The following TM9SF2 variants were observed in gnomAD, a reference collection of about 807,000 sequenced individuals.
The protein encoded by TM9SF2 is 76 kDa membrane protein.
TM9SF2 carries 13 observed loss-of-function variants against 84.9 expected under a neutral mutation model. The ratio of observed to expected loss-of-function variants is 0.15; its 90% CI spans 0.10 to 0.24. TM9SF2 has a LOEUF of 0.24. TM9SF2 is among the 10% of genes least tolerant of loss of function. The probability of loss-of-function intolerance (pLI) is 1.00; values close to 1 mark genes in which losing one functional copy is unlikely to be tolerated. For missense variants in TM9SF2, 562 were observed against 818.5 expected, an observed-to-expected ratio of 0.69 and a Z score of 3.82; for synonymous variants, 273 against 285.8, an observed-to-expected ratio of 0.96 and a Z score of 0.45.
At chr13:99,518,540 A>G (rs1272351868) in intron 2 of TM9SF2, among the ~76,000 whole-genome samples, 1 of 152,174 alleles carries the variant, frequency 6.6e-6, no homozygotes, top group Non-Finnish European at 1.5e-5. Context: ...AATTGTATAG[A>G]TTCCATGTAC....
At chr13:99,546,870 T>A in intron 10 of TM9SF2, 115 bp from the exon 11 acceptor site, 1 of 1,408,834 alleles carries the variant, frequency 7.1e-7, no homozygotes, top group Non-Finnish European at 9.6e-7. Flanking sequence ...GAGCACATGG[T>A]TTTGCGTGAA....
intron 9 of TM9SF2, among the ~76,000 whole-genome samples, chr13:99,543,285 A>C (rs7990490): frequency 6.6e-6 from 1 of 152,202 alleles, no homozygotes. Flanking sequence ...TCTAATGTAC[A>C]GTATACTTTC....
At chr13:99,503,732 A>G (rs9557246) in intron 1 of TM9SF2, among the ~76,000 whole-genome samples, 7 of 146,192 alleles carry the variant, frequency 4.8e-5, no homozygotes, top group Admixed American at 2.7e-4. Context: ...AAAAAAAAAA[A>G]GAAGAAGAAG....
At chr13:99,517,341 G>A (rs1324437698) in intron 1 of TM9SF2, among the ~76,000 whole-genome samples, 2 of 152,088 alleles carry the variant, frequency 1.3e-5, no homozygotes, top group Non-Finnish European at 2.9e-5. Context: ...GCCCGGGCTA[G>A]TCACAAACTC....
chr13:99,522,529 T>G (rs541220604), intron 3 of TM9SF2, among the ~76,000 whole-genome samples: 1 of 152,362 alleles, frequency 6.6e-6, no homozygotes, highest in African/African-American at 2.4e-5. Context: ...GAAGATTACT[T>G]TGAATGGTAT....
chr13:99,542,567 A>G (rs1255779218), intron 9 of TM9SF2, among the ~76,000 whole-genome samples: 3 of 152,180 alleles, frequency 2.0e-5, no homozygotes, highest in African/African-American at 7.2e-5. Context: ...TCAGGTTTTT[A>G]TTGTATTCTC....
chr13:99,505,715 A>T (rs2046086177), intron 1 of TM9SF2, among the ~76,000 whole-genome samples: 1 of 152,210 alleles, frequency 6.6e-6, no homozygotes, highest in Non-Finnish European at 1.5e-5. Flanking sequence ...TAGTTTGTAA[A>T]AGTTTTGACT....
intron 1 of TM9SF2, among the ~76,000 whole-genome samples, chr13:99,512,016 A>C (rs192889988): frequency 6.6e-6 from 1 of 152,358 alleles, no homozygotes. Context: ...TGGCCAGGAC[A>C]AGTATAATGG....
chr13:99,539,518 G>A lies in TM9SF2; in HGVS notation c.789G>A (p.Gly263=), dbSNP rs2046249424. 20 of 1,613,708 alleles carry A rather than the reference G, an allele frequency of 1.2e-5. No individual in the cohort carries two copies. Among genetic ancestry groups the A allele is most frequent in the Non-Finnish European group, 1.7e-5 (20 of 1,179,704 alleles). ...TGGACATAAGTAACAAGGCTTCTGG[G>A]GAGATAAAAATTGCCTATACTTACT... ...PPMDISNKAS[G]EIKIAYTYSV... is the part of the protein sequence containing the mutation. The change falls in exon 7 of 17, where the codon GGG becomes GGA. Residue 263 remains glycine, a synonymous_variant. Coordinates refer to ENST00000376387, the MANE Select transcript of TM9SF2 (RefSeq NM_004800.3).
Position 99,524,227 on chromosome 13 carries a change from G to T in TM9SF2, c.333+4098G>T, listed in dbSNP as rs549403271. Among the ~76,000 whole-genome samples the T allele has an allele frequency of 4.6e-5, 7 of 152,276 alleles. No individual in the cohort carries two copies. The East Asian group carries it at 1.4e-3, about 29-fold the overall frequency. On this transcript the variant is annotated intron_variant, in intron 3 of 16. Transcript: ENST00000376387. Reference sequence around the variant, plus strand: ...TACTGAGAATGGACCGTGGGGGTGCGAGGGGAGAAGCCAGGAGACCAGTAG... The same window carrying T: ...TACTGAGAATGGACCGTGGGGGTGCTAGGGGAGAAGCCAGGAGACCAGTAG...
Position 99,523,277 on chromosome 13 carries a change from G to C in TM9SF2, c.333+3148G>C, listed in dbSNP as rs7335421. On this transcript the variant is annotated intron_variant, in intron 3 of 16. Transcript: ENST00000376387. Reference sequence around the variant, plus strand: ...ATAAATCCTCTCACCTCAGCCTCCTGAGTAGCTGGAACTACAGATATGCCC... The same window carrying C: ...ATAAATCCTCTCACCTCAGCCTCCTCAGTAGCTGGAACTACAGATATGCCC... 6.0e-4 allele frequency among the ~76,000 whole-genome samples: 92 copies of C among 152,166 alleles called. 1 individual carries two copies. The highest frequency in any genetic ancestry group is 2.0e-3 in the African/African-American group (85 of 41,502).
At chr13:99,506,171 G>A (rs1021007203) in intron 1 of TM9SF2, among the ~76,000 whole-genome samples, 2 of 152,222 alleles carry the variant, frequency 1.3e-5, no homozygotes, top group Non-Finnish European at 1.5e-5. Flanking sequence ...ATATTGGAAT[G>A]AGTCAGCTTT....
At chr13:99,508,443 A>ACACACACACACACACACACACACACACC (rs1311954976) in intron 1 of TM9SF2, among the ~76,000 whole-genome samples, 1 of 147,448 alleles carries the variant, frequency 6.8e-6, no homozygotes, top group Non-Finnish European at 1.5e-5. Flanking sequence ...ACACACACAC[A>ACACACACACACACACACACACACACACC]CCCCAGAGAT....
chr13:99,540,737 G>A lies in TM9SF2; in HGVS notation c.852G>A (p.Ala284=), dbSNP rs149415928. 3.7e-4 allele frequency: 603 copies of A among 1,613,702 alleles called. No homozygotes were observed. Among genetic ancestry groups the A allele is most frequent in the Non-Finnish European group, 4.7e-4 (554 of 1,179,808 alleles). The change falls in exon 8 of 17, where the codon GCG becomes GCA. Residue 284 remains alanine (A), a synonymous_variant. Coordinates refer to ENST00000376387, the MANE Select transcript of TM9SF2 (RefSeq NM_004800.3). ...AGGAAGATGATAAGATCAGATGGGC[G>A]TCTAGATGGGACTATATTCTGGAGT... The part of the protein sequence containing the change: ...SFEEDDKIRW[A]SRWDYILESM...
rs1411684273 is a variant in TM9SF2, at chr13:99,501,590, TC to T, written c.-13del. ...TGACCCCCTAGGTTTGATTGCCCTTTCCCCGAAACAACTATCATGAGCGCGA... is the reference window on the plus strand; with the variant it reads ...TGACCCCCTAGGTTTGATTGCCCTTTCCCGAAACAACTATCATGAGCGCGA... On this transcript the variant is annotated 5_prime_UTR_variant, in exon 1 of 17. Transcript: ENST00000376387. The T allele has an allele frequency of 3.7e-6, 6 of 1,609,696 alleles. No individual in the cohort carries two copies. In the African/African-American group the frequency reaches 8.0e-5, roughly 22 times the overall value.
Position 99,543,974 on chromosome 13 carries a change from A to G in TM9SF2, c.1129A>G (p.Ile377Val). 6.2e-7 allele frequency: 1 copy of G among 1,614,122 alleles called. No individual in the cohort carries two copies. The highest frequency in any genetic ancestry group is 8.5e-7 in the Non-Finnish European group (1 of 1,179,992). The change falls in exon 10 of 17, where the codon ATT becomes GTT. Residue 377 changes from isoleucine to valine, a missense_variant. By Grantham distance (29) the Ile-to-Val change is conservative (BLOSUM62 3). Transcript: ENST00000376387. Reference protein sequence around the residue: ...VFLGSGTQILIMTFVTLFFAC... With the variant: ...VFLGSGTQILVMTFVTLFFAC... ...TCTAGGATCCGGGACACAGATTTTA[A>G]TTATGACCTTTGTGACTCTATGTAA...
chr13:99,532,293 G>A (rs892880515), intron 4 of TM9SF2, among the ~76,000 whole-genome samples: 3 of 151,520 alleles, frequency 2.0e-5, no homozygotes, highest in Admixed American at 6.6e-5. Context: ...CTCGTGATCC[G>A]CCCGCCTCTG....
intron 3 of TM9SF2, among the ~76,000 whole-genome samples, chr13:99,524,150 A>G (rs555165928): frequency 2.0e-5 from 3 of 152,186 alleles, no homozygotes; most frequent in Non-Finnish European, 4.4e-5. Context: ...GTTAGTTAAC[A>G]CTGGAGGGTT....
intron 3 of TM9SF2, among the ~76,000 whole-genome samples, chr13:99,520,511 C>T (rs757397770): frequency 2.0e-5 from 3 of 152,170 alleles, no homozygotes; most frequent in Non-Finnish European, 4.4e-5. Context: ...TCTAGAGACA[C>T]TCTCCGTTAG....
Sources: gnomAD v4.1 joint callset for allele counts (sites outside exome capture counted in the v4.1 genomes callset) on GRCh38, gnomAD v4.1.1 for gene constraint, MANE v1.5 for transcripts, NCBI Gene and HGNC (gene_info 2026-07-23, HGNC 2026-07-21) for gene names.